The following ATP2B3 variants were observed in gnomAD, a reference collection of about 807,000 sequenced individuals.
The protein encoded by ATP2B3 is plasma membrane calcium-transporting ATPase 3.
Under a neutral mutation model 70.8 loss-of-function variants are expected in ATP2B3, and 12 were observed. The ratio of observed to expected loss-of-function variants is 0.17; its 90% CI spans 0.11 to 0.27. The LOEUF is 0.27. Ranked by LOEUF, ATP2B3 falls within the 10% of genes least tolerant of loss-of-function variation. The pLI is 1.00. For synonymous variants in ATP2B3, 460 were observed against 497.8 expected (o/e 0.92, Z 1.01); for missense variants, 858 against 1,118.5 (o/e 0.77, Z 3.32).
At chrX:153,551,834 C>T (rs1464799443) in intron 12 of ATP2B3, among the ~76,000 whole-genome samples, 3 of 112,572 alleles carry the variant, frequency 2.7e-5, no homozygotes, top group Admixed American at 9.3e-5. Flanking sequence ...TCAGCCTTCC[C>T]GGACTCCACA....
Position 153,565,090 on chromosome X carries a change from G to A in ATP2B3, c.3329G>A (p.Arg1110Gln), listed in dbSNP as rs782643695. ...GQILWFRGLN[R>Q]IQTQIRVVKA... Reference sequence around the variant, plus strand: ...ATCCTCTGGTTCCGGGGCCTGAACCGGATTCAGACGCAGGTAAGCCCCGAC... The same window carrying A: ...ATCCTCTGGTTCCGGGGCCTGAACCAGATTCAGACGCAGGTAAGCCCCGAC... The change falls in exon 21 of 22, where the codon CGG becomes CAG. Residue 1110 changes from arginine (R) to glutamine (Q), a missense_variant. Coordinates refer to ENST00000263519, the MANE Select transcript of ATP2B3 (RefSeq NM_001001344.3). The A allele has an allele frequency of 5.1e-6, 6 of 1,184,454 alleles. No individual in the cohort carries two copies. The highest frequency in any genetic ancestry group is 6.8e-6 in the Non-Finnish European group (6 of 881,821).
rs2090786513 is a variant in ATP2B3 at position 153,571,320 on chromosome X, C to CCT, written c.3342+6219_3342+6220dup. 2.7e-5 allele frequency among the ~76,000 whole-genome samples: 3 copies of CCT among 112,462 alleles called. No individual in the cohort carries two copies. In the South Asian group the frequency reaches 1.1e-3, roughly 41 times the overall value. ...GAGGGCAGCAGGGGGCATGGCTGTG[C>CCT]CTCCGCCTCCCTCCCCCTTGACTTC... is the stretch of plus-strand genomic sequence containing the variant. On this transcript the variant is annotated intron_variant, in intron 21 of 21. Transcript: ENST00000263519.
At position 153,564,941 on chromosome X, in the gene ATP2B3, C is replaced by A. The variant is rs782036359; in HGVS notation, c.3180C>A (p.Thr1060=). Residue 1060 remains threonine, a synonymous_variant, in exon 21 of 22, where the codon ACC becomes ACA. Coordinates refer to ENST00000263519, the MANE Select transcript of ATP2B3 (RefSeq NM_001001344.3). ...CCCAGGTCATTGCCACCATCCCCACCAGCCAGCTCAAGTGCCTGAAGGAAG... is the reference window on the plus strand; with the variant it reads ...CCCAGGTCATTGCCACCATCCCCACAAGCCAGCTCAAGTGCCTGAAGGAAG... ...VWGQVIATIP[T]SQLKCLKEAG... 2.5e-6 allele frequency: 3 copies of A among 1,194,961 alleles called. No homozygotes were observed. Among genetic ancestry groups the A allele is most frequent in the Non-Finnish European group, 3.4e-6 (3 of 886,147 alleles).
rs1557015441 is a variant in ATP2B3, at chrX:153,559,841, C to T, written c.2738C>T (p.Pro913Leu). ...ACAGAGTCGCTGCTGCTGCGGAAGC[C>T]GTACGGCCGCGACAAGCCCCTCATC... is the stretch of plus-strand genomic sequence containing the variant. ...PPTESLLLRK[P>L]YGRDKPLISR... is the part of the protein sequence containing the mutation. The change falls in exon 18 of 22, where the codon CCG becomes CTG. Residue 913 changes from proline (P) to leucine (L), a missense_variant. Transcript: ENST00000263519. 1.7e-6 allele frequency: 2 copies of T among 1,211,925 alleles called. No individual in the cohort carries two copies. The highest frequency in any genetic ancestry group is 1.7e-5 in the African/African-American group (1 of 57,835).
chrX:153,554,779 T>C (rs1185455174), intron 13 of ATP2B3, among the ~76,000 whole-genome samples: 1 of 112,394 alleles, frequency 8.9e-6, no homozygotes, highest in Non-Finnish European at 1.9e-5. Context: ...TGGCAACTTC[T>C]CCAGACACCT....
intron 13 of ATP2B3, 28 bp from the exon 14 acceptor site, chrX:153,556,021 C>T: frequency 8.3e-7 from 1 of 1,211,029 alleles, no homozygotes; most frequent in Non-Finnish European, 1.1e-6. Context: ...GCCTCGATGG[C>T]CCCGCCCACC....
At chrX:153,575,104 T>C (rs1335131752) in intron 21 of ATP2B3, among the ~76,000 whole-genome samples, 1 of 112,574 alleles carries the variant, frequency 8.9e-6, no homozygotes, top group Admixed American at 9.3e-5. Context: ...GCAGGGGTCA[T>C]GGCTCCGGGG....
rs782219265 is a variant in ATP2B3 at position 153,549,493 on chromosome X, G to A, written c.1339-4G>A. The A allele has an allele frequency of 8.3e-7, 1 of 1,211,620 alleles. No homozygotes were observed. Among genetic ancestry groups the A allele is most frequent in the Admixed American group, 2.2e-5 (1 of 46,104 alleles). On this transcript the variant is annotated splice_region_variant and splice_polypyrimidine_tract_variant and intron_variant, in intron 10 of 21. Coordinates refer to ENST00000263519, the MANE Select transcript of ATP2B3 (RefSeq NM_001001344.3). ...CCAAATGCCCACACCCTCGCCCTTTGCAGAAAATGATGAAAGACAACAACC... is the reference window on the plus strand; with the variant it reads ...CCAAATGCCCACACCCTCGCCCTTTACAGAAAATGATGAAAGACAACAACC...
At chrX:153,523,688 AT>A (rs1198038269) in intron 2 of ATP2B3, among the ~76,000 whole-genome samples, 4 of 59,246 alleles carry the variant, frequency 6.8e-5, no homozygotes, top group Admixed American at 2.6e-4. Context: ...TCCTCCCTTC[AT>A]TTTTTTTTTT....
chrX:153,531,373 G>A (rs1347441039), intron 2 of ATP2B3, among the ~76,000 whole-genome samples: 1 of 113,512 alleles, frequency 8.8e-6, no homozygotes, highest in African/African-American at 3.2e-5. Flanking sequence ...GGGTTCTGCC[G>A]GGCCTGGCCT....
intron 21 of ATP2B3, among the ~76,000 whole-genome samples, chrX:153,576,036 G>A (rs907905646): frequency 1.9e-4 from 21 of 112,111 alleles, no homozygotes; most frequent in African/African-American, 6.2e-4. Flanking sequence ...ATCTCTCCCG[G>A]AAGAGTGCTT....
At chrX:153,531,814 G>A (rs1427746963) in intron 2 of ATP2B3, among the ~76,000 whole-genome samples, 2 of 112,814 alleles carry the variant, frequency 1.8e-5, no homozygotes, top group African/African-American at 6.4e-5. Flanking sequence ...CTGAAGGGGT[G>A]CTCGACTGGG....
intron 2 of ATP2B3, among the ~76,000 whole-genome samples, chrX:153,525,269 C>G (rs1443011557): frequency 1.8e-5 from 2 of 112,600 alleles, no homozygotes; most frequent in Non-Finnish European, 3.8e-5. Flanking sequence ...TCAAATCAAA[C>G]CCTGAACCGG....
Position 153,536,534 on chromosome X carries a change from C to T in ATP2B3, c.208+79C>T, listed in dbSNP as rs781933501. 6.2e-4 allele frequency: 665 copies of T among 1,070,377 alleles called. 4 individuals are homozygous for T. In the African/African-American group the frequency reaches 0.011, roughly 17 times the overall value. The allele number at this position is 1,070,377 out of a possible 1,213,427, so 88.2% of individuals were successfully genotyped here. On this transcript the variant is annotated intron_variant, in intron 3 of 21. Transcript: ENST00000263519. ...AGCGACCTGAAGGCATCCTTAGCCC[C>T]AAGGCTGGCCAGGGTCAAGGGCCAC... is the stretch of plus-strand genomic sequence containing the variant.
At chrX:153,548,591 T>C in intron 9 of ATP2B3, 49 bp from the exon 10 acceptor site, 1 of 1,104,550 alleles carries the variant, frequency 9.1e-7, no homozygotes, top group Non-Finnish European at 1.2e-6. Context: ...GTCCCCCTCC[T>C]TCCCTCACCC....
chrX:153,553,621 G>A (rs1484977196), intron 13 of ATP2B3, among the ~76,000 whole-genome samples: 2 of 112,050 alleles, frequency 1.8e-5, no homozygotes, highest in African/African-American at 3.2e-5. Context: ...CACAGGGTGG[G>A]CGTTTATTGG....
Position 153,570,298 on chromosome X carries a change from G to GC in ATP2B3, c.3342+5197dup, listed in dbSNP as rs1218913028. 4.4e-5 allele frequency among the ~76,000 whole-genome samples: 5 copies of GC among 112,676 alleles called. No homozygotes were observed. The Admixed American group carries it at 4.7e-4, about 11-fold the overall frequency. The stretch of plus-strand genomic sequence containing the variant: ...CTCCTTGAAGTGGTTTCCTAAGGAT[G>GC]CCGCTGTCACCTGTCCCCAGGTGGG... On this transcript the variant is annotated intron_variant, in intron 21 of 21. Coordinates refer to ENST00000263519, the MANE Select transcript of ATP2B3 (RefSeq NM_001001344.3).
intron 13 of ATP2B3, 99 bp from the exon 14 acceptor site, chrX:153,555,950 C>T (rs2090527776): frequency 9.8e-7 from 1 of 1,021,053 alleles, no homozygotes; most frequent in Non-Finnish European, 1.4e-6. Context: ...CTCTGCTGGA[C>T]CTTGGGCCAC....
Position 153,562,209 on chromosome X carries a change from G to C in ATP2B3, c.3126G>C (p.Leu1042=), listed in dbSNP as rs1557016630. Reference sequence around the variant, plus strand: ...CCACAGAACAGTGGCTCTGGTGCCTGTTTGTTGGTGTTGGGGAGCTGGTCT... The same window carrying C: ...CCACAGAACAGTGGCTCTGGTGCCTCTTTGTTGGTGTTGGGGAGCTGGTCT... ...PLSTEQWLWC[L]FVGVGELVWG... Residue 1042 remains leucine (L), a synonymous_variant, in exon 20 of 22, where the codon CTG becomes CTC. Coordinates refer to ENST00000263519, the MANE Select transcript of ATP2B3 (RefSeq NM_001001344.3). 1 of 1,211,820 alleles carries C rather than the reference G, an allele frequency of 8.3e-7. No individual in the cohort carries two copies. Among genetic ancestry groups the C allele is most frequent in the Non-Finnish European group, 1.1e-6 (1 of 895,349 alleles).
Sources: allele counts gnomAD v4.1 joint callset (sites outside exome capture counted in the v4.1 genomes callset), GRCh38; gene constraint gnomAD v4.1.1; transcripts MANE v1.5; gene names NCBI Gene and HGNC (gene_info 2026-07-23, HGNC 2026-07-21).